The following GLIS3 variants were observed in gnomAD, a reference collection of about 807,000 sequenced individuals.
GLIS3 encodes the protein GLIS family zinc finger 3, also known as zinc finger protein GLIS3.
Under a neutral mutation model 78.6 loss-of-function variants are expected in GLIS3, and 53 were observed. The ratio of observed to expected loss-of-function variants is 0.67; its 90% CI spans 0.54 to 0.85. GLIS3 has a LOEUF of 0.85. Ranked by LOEUF, GLIS3 falls within the 40% of genes least tolerant of loss-of-function variation. The pLI, the probability that GLIS3 is intolerant of heterozygous loss-of-function variation, is 0.00. For missense variants in GLIS3, 1,703 were observed against 1,231.1 expected, an observed-to-expected ratio of 1.38 and a Z score of -5.74; for synonymous variants, 684 against 509.9, an observed-to-expected ratio of 1.34 and a Z score of -4.60.
chr9:3,841,862 T>C (rs1563766471), intron 9 of GLIS3, among the ~76,000 whole-genome samples: 1 of 152,358 alleles, frequency 6.6e-6, no homozygotes, highest in East Asian at 1.9e-4. Flanking sequence ...AGCCTGGTGT[T>C]ACCTGTCATC....
the GLIS3 span, among the ~76,000 whole-genome samples, chr9:4,454,837 G>C: frequency 6.6e-6 from 1 of 152,136 alleles, no homozygotes; most frequent in African/African-American, 2.4e-5. Context: ...CTGGCACCCT[G>C]AAGTAGGGGA....
chr9:3,926,710 C>G (rs374701256), intron 6 of GLIS3, among the ~76,000 whole-genome samples: 4 of 151,904 alleles, frequency 2.6e-5, no homozygotes, highest in East Asian at 3.9e-4. Flanking sequence ...ACAACCTCTG[C>G]CTCCCGCGTT....
At chr9:4,395,706 T>A in the GLIS3 span, among the ~76,000 whole-genome samples, 2 of 152,342 alleles carry the variant, frequency 1.3e-5, no homozygotes, top group African/African-American at 4.8e-5. Context: ...TTATGTCTGA[T>A]GTCAAGCTTT....
Position 4,247,074 on chromosome 9 carries a change from C to G in GLIS3, c.388+38964G>C, listed in dbSNP as rs1428146090. Among the ~76,000 whole-genome samples the G allele has an allele frequency of 2.0e-5, 3 of 152,124 alleles. 1 individual carries two copies. Among genetic ancestry groups the G allele is most frequent in the Non-Finnish European group, 4.4e-5 (3 of 67,982 alleles). Reference sequence around the variant, plus strand: ...TCTGGGTTTTAAAATCCATGGATGGCTTTTGTCAGCCCTCCTTGCCTTGGT... The same window carrying G: ...TCTGGGTTTTAAAATCCATGGATGGGTTTTGTCAGCCCTCCTTGCCTTGGT... On this transcript the variant is annotated intron_variant, in intron 2 of 10. Transcript: ENST00000381971.
chr9:4,468,187 T>C, the GLIS3 span, among the ~76,000 whole-genome samples: 1 of 152,038 alleles, frequency 6.6e-6, no homozygotes, highest in Non-Finnish European at 1.5e-5. Context: ...ACGGGCAGAG[T>C]GGAACCAAGT....
chr9:4,352,127 T>C (rs2130602501), upstream of GLIS3, among the ~76,000 whole-genome samples: 1 of 152,324 alleles, frequency 6.6e-6, no homozygotes, highest in Admixed American at 6.5e-5. Flanking sequence ...TTTCTGTTAT[T>C]ATAGAGGAAG....
the GLIS3 span, among the ~76,000 whole-genome samples, chr9:4,424,607 A>G: frequency 1.3e-5 from 2 of 152,170 alleles, no homozygotes; most frequent in Non-Finnish European, 2.9e-5. Flanking sequence ...TCTGTCATCC[A>G]GGCTGGAGTG....
chr9:4,211,331 G>C (rs1224806586), intron 2 of GLIS3, among the ~76,000 whole-genome samples: 1 of 152,196 alleles, frequency 6.6e-6, no homozygotes, highest in Non-Finnish European at 1.5e-5. Context: ...TCAACAGTGG[G>C]TTTTCCAGCA....
chr9:3,948,060 A>G (rs1397092913), intron 4 of GLIS3, among the ~76,000 whole-genome samples: 1 of 152,184 alleles, frequency 6.6e-6, no homozygotes, highest in Non-Finnish European at 1.5e-5. Flanking sequence ...TGATGCCTTC[A>G]CTGCAGCTCC....
intron 2 of GLIS3, among the ~76,000 whole-genome samples, chr9:4,162,119 T>C (rs1341095610): frequency 6.6e-6 from 1 of 152,144 alleles, no homozygotes; most frequent in Non-Finnish European, 1.5e-5. Context: ...AGTTTATAGA[T>C]ATGTGATCTC....
intron 2 of GLIS3, among the ~76,000 whole-genome samples, chr9:4,342,155 A>G (rs936715048): frequency 1.3e-5 from 2 of 152,110 alleles, no homozygotes; most frequent in African/African-American, 4.8e-5. Context: ...TTGTCATGAA[A>G]TCTTTTGTCA....
At chr9:4,297,737 T>C (rs1372915520) in intron 1 of GLIS3, among the ~76,000 whole-genome samples, 1 of 152,044 alleles carries the variant, frequency 6.6e-6, no homozygotes, top group Admixed American at 6.5e-5. Context: ...CGGGGCAAAC[T>C]AGCGTGGGGC....
chr9:3,834,476 TTGAATTTTAA>T (rs1213924144), intron 9 of GLIS3, among the ~76,000 whole-genome samples: 21 of 152,222 alleles, frequency 1.4e-4, no homozygotes, highest in African/African-American at 4.8e-4. Flanking sequence ...TTAAATTTTA[TTGAATTTTAA>T]TTAATTCAAA....
At chr9:4,086,836 C>G (rs1216554698) in intron 4 of GLIS3, among the ~76,000 whole-genome samples, 1 of 152,164 alleles carries the variant, frequency 6.6e-6, no homozygotes, top group Non-Finnish European at 1.5e-5. Context: ...TCTCTTTTTC[C>G]CCTCAAGTCC....
chr9:4,042,168 C>T (rs1481468539), intron 4 of GLIS3, among the ~76,000 whole-genome samples: 1 of 151,958 alleles, frequency 6.6e-6, no homozygotes, highest in Non-Finnish European at 1.5e-5. Context: ...TGGTCAGGAG[C>T]TTCCTGAAGG....
chr9:3,913,756 T>C (rs1318736458), intron 6 of GLIS3, among the ~76,000 whole-genome samples: 2 of 152,246 alleles, frequency 1.3e-5, no homozygotes, highest in African/African-American at 2.4e-5. Flanking sequence ...CTACATTTTG[T>C]AATAGCTATT....
At chr9:3,923,154 T>A (rs1182767499) in intron 6 of GLIS3, among the ~76,000 whole-genome samples, 1 of 152,220 alleles carries the variant, frequency 6.6e-6, no homozygotes, top group Non-Finnish European at 1.5e-5. Context: ...CCAACCAAAC[T>A]AATTGCCTTG....
chr9:4,378,564 C>A, the GLIS3 span, among the ~76,000 whole-genome samples: 4 of 152,122 alleles, frequency 2.6e-5, no homozygotes, highest in Admixed American at 2.6e-4. Context: ...TTTTCTCTGG[C>A]AACCCTACAT....
chr9:3,971,094 AGATCGAAGGAAGGAAGGAAG>A (rs1391140593), intron 4 of GLIS3, among the ~76,000 whole-genome samples: 8 of 67,970 alleles, frequency 1.2e-4, no homozygotes, highest in African/African-American at 2.4e-4. Context: ...AAGGAAGGAT[AGATCGAAGGAAGGAAGGAAG>A]GATCGAAGGA....
Sources: allele counts gnomAD v4.1 joint callset (sites outside exome capture counted in the v4.1 genomes callset), GRCh38; gene constraint gnomAD v4.1.1; transcripts MANE v1.5; gene names NCBI Gene and HGNC (gene_info 2026-07-23, HGNC 2026-07-21).